Variants in MAPRE2 observed in about 807,000 individuals in gnomAD.
The protein encoded by MAPRE2 is microtubule associated protein RP/EB family member 2, also known as microtubule-associated protein RP/EB family member 2.
MAPRE2 carries 13 observed loss-of-function variants against 43.2 expected under a neutral mutation model. The ratio of observed to expected loss-of-function variants is 0.30; its 90% CI spans 0.20 to 0.48. The LOEUF is 0.48. Ranked by LOEUF, MAPRE2 falls within the 20% of genes least tolerant of loss-of-function variation. The probability of loss-of-function intolerance (pLI) is 0.99; values close to 1 mark genes in which losing one functional copy is unlikely to be tolerated. For missense variants in MAPRE2, 161 were observed against 400.2 expected, an observed-to-expected ratio of 0.40 and a Z score of 5.10; for synonymous variants, 135 against 148.8, an observed-to-expected ratio of 0.91 and a Z score of 0.68.
chr18:35,078,793 T>A (rs1907494068), intron 2 of MAPRE2, among the ~76,000 whole-genome samples: 2 of 152,166 alleles, frequency 1.3e-5, no homozygotes, highest in Non-Finnish European at 2.9e-5. Context: ...AAATGAGACA[T>A]ATCTGGTAAT....
chr18:34,993,253 G>C (rs757977302), intron 1 of MAPRE2, among the ~76,000 whole-genome samples: 3 of 143,362 alleles, frequency 2.1e-5, no homozygotes, highest in Non-Finnish European at 3.0e-5. Flanking sequence ...CACCATTCCC[G>C]CCTTTTTTTT....
intron 6 of MAPRE2, among the ~76,000 whole-genome samples, chr18:35,133,633 A>T (rs1003774923): frequency 2.0e-5 from 3 of 152,224 alleles, no homozygotes; most frequent in African/African-American, 7.2e-5. Context: ...GGCGTGCAGG[A>T]TCAAATCTTC....
chr18:35,143,362 C>A lies in MAPRE2; in HGVS notation c.*2993C>A, dbSNP rs897559692. ...GATGTATCACATTCATTTTACATTA[C>A]CCACCTATTGTCGCATGGTAGAATA... is the stretch of plus-strand genomic sequence containing the variant. On this transcript the variant is annotated 3_prime_UTR_variant, in exon 7 of 7. Coordinates refer to ENST00000300249, the MANE Select transcript of MAPRE2 (RefSeq NM_014268.4). 2.0e-5 allele frequency: 3 copies of A among 151,960 alleles called. No homozygotes were observed. Among genetic ancestry groups the A allele is most frequent in the African/African-American group, 7.3e-5 (3 of 41,356 alleles). The allele number at this position is 151,960 out of a possible 1,614,324, so 9.4% of individuals were successfully genotyped here. A position where few individuals can be genotyped will look rare whatever the true frequency, so the allele number is the denominator to read the frequency against.
At chr18:35,126,855 G>C (rs914657892) in intron 4 of MAPRE2, 93 bp from the exon 5 acceptor site, 1 of 1,090,660 alleles carries the variant, frequency 9.2e-7, no homozygotes, top group African/African-American at 1.6e-5. Context: ...CTTATATGTT[G>C]TTGTAAGCTC....
intron 2 of MAPRE2, among the ~76,000 whole-genome samples, chr18:35,095,363 TAC>T (rs34361204): frequency 0.014 from 1,910 of 136,122 alleles, 15 homozygotes; most frequent in South Asian, 0.032. Context: ...TTTAAGAAAA[TAC>T]ACACACACAC....
intron 2 of MAPRE2, among the ~76,000 whole-genome samples, chr18:35,077,188 C>T (rs1215614012): frequency 1.3e-5 from 2 of 152,102 alleles, no homozygotes; most frequent in African/African-American, 2.4e-5. Flanking sequence ...TAATAATTGC[C>T]TTTGAGAAGT....
intron 6 of MAPRE2, among the ~76,000 whole-genome samples, chr18:35,137,147 C>T (rs981238813): frequency 6.6e-5 from 10 of 152,230 alleles, no homozygotes; most frequent in Non-Finnish European, 1.0e-4. Context: ...ACTGCCTTAA[C>T]TTGCAGGCCA....
chr18:35,082,163 G>A (rs1477905127), intron 2 of MAPRE2: 1 of 111,518 alleles, frequency 9.0e-6, no homozygotes, highest in South Asian at 3.0e-4. Context: ...AGTGGCGGGC[G>A]CCTGTAGTCC....
At chr18:35,140,120 G>A (rs1483350112) in intron 6 of MAPRE2, among the ~76,000 whole-genome samples, 175 bp from the exon 7 acceptor site, 1 of 152,216 alleles carries the variant, frequency 6.6e-6, no homozygotes. Context: ...AGGCGCCCCT[G>A]CATATGTATC....
intron 2 of MAPRE2, among the ~76,000 whole-genome samples, chr18:35,007,051 G>A (rs1340776829): frequency 6.6e-6 from 1 of 152,246 alleles, no homozygotes; most frequent in Non-Finnish European, 1.5e-5. Flanking sequence ...CTAGGACAGA[G>A]TTGGGACAGG....
chr18:35,070,488 G>A, intron 2 of MAPRE2, 166 bp downstream of exon 2: 1 of 508,004 alleles, frequency 2.0e-6, no homozygotes. Context: ...GACGTATTGG[G>A]AAAAGTGTTT....
intron 2 of MAPRE2, among the ~76,000 whole-genome samples, chr18:35,090,731 C>CA (rs56812109): frequency 1.1e-4 from 12 of 110,346 alleles, no homozygotes; most frequent in Non-Finnish European, 1.3e-4. Context: ...GATTCGGTCT[C>CA]AAAAAAAAAA....
chr18:35,041,857 A>G lies in MAPRE2; in HGVS notation c.122+196A>G. 5.8e-6 allele frequency: 8 copies of G among 1,369,700 alleles called. No homozygotes were observed. The South Asian group carries it at 1.0e-4, about 18-fold the overall frequency. The allele number at this position is 1,369,700 out of a possible 1,614,324, so 84.8% of individuals were successfully genotyped here. A position where few individuals can be genotyped will look rare whatever the true frequency, so the allele number is the denominator to read the frequency against. On this transcript the variant is annotated intron_variant, in intron 1 of 6. Coordinates refer to ENST00000300249, the MANE Select transcript of MAPRE2 (RefSeq NM_014268.4). ...ATTGAGGCTCCGCGACTGCAGATGG[A>G]AAGCATTTTGTGAATAGGTTTGCTG...
At chr18:35,063,292 A>G (rs1342224762) in intron 1 of MAPRE2, among the ~76,000 whole-genome samples, 2 of 151,830 alleles carry the variant, frequency 1.3e-5, no homozygotes, top group South Asian at 2.1e-4. Flanking sequence ...TATTTTTAGT[A>G]GAGATGGGGT....
rs1308966156 is a variant in MAPRE2, at chr18:34,993,257, T to TA, written c.-69-12235_-69-12234insA. 6.1e-5 allele frequency among the ~76,000 whole-genome samples: 8 copies of TA among 130,742 alleles called. No homozygotes were observed. In the East Asian group the frequency reaches 1.6e-3, roughly 26 times the overall value. The allele number at this position is 130,742 out of a possible 152,430, so 85.8% of individuals were successfully genotyped here. Reference sequence around the variant, plus strand: ...TAGGTGTATACCACCATTCCCGCCTTTTTTTTTTTTTTTTTTTTTACTTTT... The same window carrying TA: ...TAGGTGTATACCACCATTCCCGCCTTATTTTTTTTTTTTTTTTTTTACTTTT... On this transcript the variant is annotated intron_variant, in intron 1 of 7. Coordinates refer to the MAPRE2 transcript ENST00000413393.
intron 2 of MAPRE2, among the ~76,000 whole-genome samples, chr18:35,011,167 G>A (rs1332874564): frequency 6.6e-6 from 1 of 152,110 alleles, no homozygotes; most frequent in African/African-American, 2.4e-5. Context: ...TGCTGTGGTG[G>A]GAGAAGTACA....
chr18:35,048,878 G>A (rs1905790817), intron 1 of MAPRE2, among the ~76,000 whole-genome samples: 2 of 151,726 alleles, frequency 1.3e-5, no homozygotes, highest in South Asian at 4.1e-4. Flanking sequence ...TTATACAGAA[G>A]AAAATACAAA....
At chr18:35,050,789 T>C (rs919829590) in intron 1 of MAPRE2, among the ~76,000 whole-genome samples, 7 of 152,144 alleles carry the variant, frequency 4.6e-5, no homozygotes, top group African/African-American at 1.7e-4. Flanking sequence ...CTGGCCTTCA[T>C]GTGACCCCTG....
chr18:35,012,058 G>A (rs1037458195), intron 2 of MAPRE2, among the ~76,000 whole-genome samples: 1 of 152,098 alleles, frequency 6.6e-6, no homozygotes, highest in African/African-American at 2.4e-5. Context: ...CCCACAAGTG[G>A]CAGTGCTGTG....
Sources: gnomAD v4.1 joint callset for allele counts (sites outside exome capture counted in the v4.1 genomes callset) on GRCh38, gnomAD v4.1.1 for gene constraint, MANE v1.5 for transcripts, NCBI Gene and HGNC (gene_info 2026-07-23, HGNC 2026-07-21) for gene names.